The following HSPG2 variants were observed in gnomAD, a reference collection of about 807,000 sequenced individuals.
HSPG2 encodes the protein basement membrane-specific heparan sulfate proteoglycan core protein.
In HSPG2, 278 loss-of-function variants were observed where a neutral mutation model predicts 526.6. That is an observed-to-expected ratio of 0.53 (90% CI 0.48 to 0.58). HSPG2 has a LOEUF of 0.58. Ranked by LOEUF, HSPG2 falls within the 20% of genes least tolerant of loss-of-function variation. The pLI, the probability that HSPG2 is intolerant of heterozygous loss-of-function variation, is 0.00. For missense variants in HSPG2, 5,354 were observed against 6,099.5 expected, an observed-to-expected ratio of 0.88 and a Z score of 4.07; for synonymous variants, 2,465 against 2,555.4, an observed-to-expected ratio of 0.96 and a Z score of 1.07.
At chr1:21,846,852 T>C (rs556876051) in intron 62 of HSPG2, among the ~76,000 whole-genome samples, 3 of 152,056 alleles carry the variant, frequency 2.0e-5, no homozygotes, top group African/African-American at 7.2e-5. Flanking sequence ...ATACAAAAAT[T>C]AGCCGGGCAC....
chr1:21,886,455 G>A (rs939114818), intron 9 of HSPG2, among the ~76,000 whole-genome samples: 2 of 152,126 alleles, frequency 1.3e-5, no homozygotes, highest in African/African-American at 2.4e-5. Context: ...ACATGGACAC[G>A]CGCCCAGACA....
chr1:21,831,220 A>C lies in HSPG2; in HGVS notation c.11557T>G (p.Cys3853Gly). Residue 3853 changes from cysteine (C) to glycine (G), a missense_variant, in exon 84 of 97, where the codon TGC becomes GGC. Physicochemically the swap from Cys to Gly is radical, Grantham distance 159 (BLOSUM62 -3). Coordinates refer to ENST00000374695, the MANE Select transcript of HSPG2 (RefSeq NM_005529.7). ...TGTGTGGGGTGTGGGGTCACCTGGC[A>C]GGGCCGGTCCCGACAGGTGGGGCAG... ...SHCPTCRDRP[C>G]QNGGQCHDSE... 6.2e-7 allele frequency: 1 copy of C among 1,613,588 alleles called. No homozygotes were observed. The highest frequency in any genetic ancestry group is 8.5e-7 in the Non-Finnish European group (1 of 1,179,598).
Position 21,884,670 on chromosome 1 carries a change from G to A in HSPG2, c.1512C>T (p.Pro504=). Residue 504 remains proline, a synonymous_variant, in exon 13 of 97, where the codon CCC becomes CCT. Coordinates refer to ENST00000374695, the MANE Select transcript of HSPG2 (RefSeq NM_005529.7). ...GVLELVPQRG[P]CPDGHFYLEH... Reference sequence around the variant, plus strand: ...CCAGGTAGAAGTGGCCGTCAGGGCAGGGGCCTGCTGGGCGGCATGGGCGGG... The same window carrying A: ...CCAGGTAGAAGTGGCCGTCAGGGCAAGGGCCTGCTGGGCGGCATGGGCGGG... The A allele has an allele frequency of 6.2e-7, 1 of 1,611,386 alleles. No homozygotes were observed. Among genetic ancestry groups the A allele is most frequent in the Non-Finnish European group, 8.5e-7 (1 of 1,179,086 alleles).
intron 33 of HSPG2, among the ~76,000 whole-genome samples, chr1:21,870,577 C>T (rs1311054701): frequency 2.6e-5 from 4 of 152,324 alleles, no homozygotes; most frequent in Middle Eastern, 3.4e-3. Flanking sequence ...GGATTAGCAT[C>T]GGGTTAGTCT....
intron 64 of HSPG2, 51 bp from the exon 65 acceptor site, chr1:21,844,350 C>T: frequency 1.3e-6 from 2 of 1,571,136 alleles, no homozygotes; most frequent in East Asian, 2.3e-5. Context: ...CTGATGCCCT[C>T]AGCCCTTCCC....
chr1:21,828,693 G>T lies in HSPG2; in HGVS notation c.12237+142C>A. 8.1e-7 allele frequency: 1 copy of T among 1,232,582 alleles called. No individual in the cohort carries two copies. Among genetic ancestry groups the T allele is most frequent in the South Asian group, 1.3e-5 (1 of 76,484 alleles). The allele number at this position is 1,232,582 out of a possible 1,614,324, so 76.4% of individuals were successfully genotyped here. On this transcript the variant is annotated intron_variant, in intron 88 of 96. Coordinates refer to ENST00000374695, the MANE Select transcript of HSPG2 (RefSeq NM_005529.7). This position sits in a 1 kb window ranked among gnomAD's most constrained non-coding sequence, Gnocchi z 6.0. ...CCATTTTACAGAGGAGGAAACTGAG[G>T]CTCAGAGGTACAGTGTCCTGGCCCA...
At chr1:21,917,626 C>A (rs1485320683) in intron 1 of HSPG2, among the ~76,000 whole-genome samples, 2 of 152,160 alleles carry the variant, frequency 1.3e-5, no homozygotes, top group Non-Finnish European at 2.9e-5. Flanking sequence ...CTCCTAAGAA[C>A]TGGACGACAC....
chr1:21,880,387 C>T lies in HSPG2; in HGVS notation c.2171G>A (p.Arg724His), dbSNP rs764179002. 1.1e-5 allele frequency: 17 copies of T among 1,613,980 alleles called. No individual in the cohort carries two copies. Among genetic ancestry groups the T allele is most frequent in the Admixed American group, 3.3e-5 (2 of 60,010 alleles). ...CCTGCACTCCTCCACACTGTGGGCACGGCCATGGCTGGTGGCATGGGTGAC... is the reference window on the plus strand; with the variant it reads ...CCTGCACTCCTCCACACTGTGGGCATGGCCATGGCTGGTGGCATGGGTGAC... ...TTVTHATSHG[R>H]AHSVEECRCP... Residue 724 changes from arginine to histidine, a missense_variant, in exon 16 of 97, where the codon CGT (arginine) becomes CAT (histidine). Physicochemically the swap from Arg to His is conservative, Grantham distance 29. Coordinates refer to ENST00000374695, the MANE Select transcript of HSPG2 (RefSeq NM_005529.7).
rs2254357 is a variant in HSPG2 at position 21,890,111 on chromosome 1, C to G, written c.444G>C (p.Leu148=). 1,015,841 of 1,613,328 alleles carry G rather than the reference C, an allele frequency of 0.63. 328,387 individuals are homozygous for G. Among genetic ancestry groups the G allele is most frequent in the Middle Eastern group, 0.68 (4,085 of 6,040 alleles). ...KELDGWVFVE[L]DVGSEGNADG... ...CCGCATTCCCTTCCGAGCCCACATCCAGCTCCACAAAAACCCAGCCATCCA... is the reference window on the plus strand; with the variant it reads ...CCGCATTCCCTTCCGAGCCCACATCGAGCTCCACAAAAACCCAGCCATCCA... The change falls in exon 6 of 97, where the codon CTG becomes CTC. Residue 148 remains leucine (L), a synonymous_variant. Transcript: ENST00000374695. This position sits in a 1 kb window ranked among gnomAD's most constrained non-coding sequence, Gnocchi z 4.1.
rs1242918739 is a variant in HSPG2, at chr1:21,880,567, T to C, written c.1999-8A>G. On this transcript the variant is annotated splice_region_variant and splice_polypyrimidine_tract_variant and intron_variant, in intron 15 of 96. Coordinates refer to ENST00000374695, the MANE Select transcript of HSPG2 (RefSeq NM_005529.7). ...CTCATGGACCCAGTGCTCCTGGGTA[T>C]GGGTGAAGGTGGCAGGGGTCACACA... The C allele has an allele frequency of 6.2e-7, 1 of 1,612,734 alleles. No individual in the cohort carries two copies. Among genetic ancestry groups the C allele is most frequent in the Non-Finnish European group, 8.5e-7 (1 of 1,179,674 alleles).
chr1:21,876,750 C>G (rs1399362077), intron 21 of HSPG2, 98 bp from the exon 22 acceptor site: 1 of 1,528,154 alleles, frequency 6.5e-7, no homozygotes, highest in Non-Finnish European at 9.0e-7. Context: ...ACCCAAGACC[C>G]AGGGGAGCCA....
intron 3 of HSPG2, among the ~76,000 whole-genome samples, chr1:21,892,862 CAAAAAAAAA>C (rs564802827): frequency 2.9e-5 from 3 of 103,930 alleles, no homozygotes; most frequent in African/African-American, 1.2e-4. Context: ...GACTCCATCT[CAAAAAAAAA>C]AAAAAAAAAG....
chr1:21,895,103 C>G lies in HSPG2; in HGVS notation c.244+819G>C, dbSNP rs763084716. Among the ~76,000 whole-genome samples, 35 of 148,148 alleles carry G rather than the reference C, an allele frequency of 2.4e-4. No homozygotes were observed. Among genetic ancestry groups the G allele is most frequent in the Admixed American group, 6.1e-4 (9 of 14,734 alleles). On this transcript the variant is annotated intron_variant, in intron 3 of 96. Coordinates refer to ENST00000374695, the MANE Select transcript of HSPG2 (RefSeq NM_005529.7). This position sits in a 1 kb window ranked among gnomAD's most constrained non-coding sequence, Gnocchi z 4.1. ...CAGGCCAGATTTGGCCAAGGCCTGC[C>G]TAGGGTGAAGGCAGCCCTGGATGCC...
intron 3 of HSPG2, among the ~76,000 whole-genome samples, chr1:21,892,691 A>G (rs1023248195): frequency 6.6e-6 from 1 of 152,036 alleles, no homozygotes; most frequent in East Asian, 1.9e-4. Flanking sequence ...GCTGGCCAAC[A>G]TGGTGAAAAT....
Position 21,896,185 on chromosome 1 carries a change from G to A in HSPG2, c.189C>T (p.Ser63=). ...LSDDEDMLAD[S]ISGDDLGSGD... ...GGATCCTTGGCTCACCTCCTGAGAT[G>A]CTGTCAGCCAGCATGTCCTCATCAT... is the stretch of plus-strand genomic sequence containing the variant. Residue 63 remains serine, a synonymous_variant, in exon 2 of 97, where the codon AGC becomes AGT. Coordinates refer to ENST00000374695, the MANE Select transcript of HSPG2 (RefSeq NM_005529.7). The A allele has an allele frequency of 6.2e-7, 1 of 1,613,716 alleles. No homozygotes were observed. The highest frequency in any genetic ancestry group is 8.5e-7 in the Non-Finnish European group (1 of 1,179,990).
At chr1:21,926,661 G>A (rs1644199603) in intron 1 of HSPG2, among the ~76,000 whole-genome samples, 1 of 147,524 alleles carries the variant, frequency 6.8e-6, no homozygotes, top group Admixed American at 6.8e-5. Context: ...CAGGGAGGCT[G>A]AGGCAAAAGA....
At chr1:21,903,027 C>G (rs965630387) in intron 1 of HSPG2, among the ~76,000 whole-genome samples, 2 of 152,308 alleles carry the variant, frequency 1.3e-5, no homozygotes, top group South Asian at 2.1e-4. Flanking sequence ...TGCGGACTCA[C>G]GGACAAACCA....
chr1:21,854,322 G>A lies in HSPG2; in HGVS notation c.6310C>T (p.Leu2104Phe). Reference sequence around the variant, plus strand: ...GAATCAGCTGGTGAGACCTGGGGGAGCCGCAGACGGGAGCCGTGCACCTGG... The same window carrying A: ...GAATCAGCTGGTGAGACCTGGGGGAACCGCAGACGGGAGCCGTGCACCTGG... ...HTQVHGSRLR[L>F]PQVSPADSGE... Residue 2104 changes from leucine to phenylalanine, a missense_variant, in exon 50 of 97, where the codon CTC becomes TTC. By Grantham distance (22) the Leu-to-Phe change is conservative. Coordinates refer to ENST00000374695, the MANE Select transcript of HSPG2 (RefSeq NM_005529.7). 6.4e-7 allele frequency: 1 copy of A among 1,571,758 alleles called. No individual in the cohort carries two copies. Among genetic ancestry groups the A allele is most frequent in the Non-Finnish European group, 8.6e-7 (1 of 1,158,178 alleles).
In HSPG2 at chr1:21,852,552, C is replaced by CT. The variant is rs1638984922; in HGVS notation, c.6724+147dup. 4 of 1,130,604 alleles carry CT rather than the reference C, an allele frequency of 3.5e-6. No homozygotes were observed. The Admixed American group carries it at 7.3e-5, about 21-fold the overall frequency. 70.0% of individuals were successfully genotyped at this position (1,130,604 alleles called of 1,614,324 possible). ...GTGTGACGGGAAGGCGGTGGTTACT[C>CT]TGACAGGTGGAGTCGGCCTGGGCAG... On this transcript the variant is annotated intron_variant, in intron 52 of 96. Transcript: ENST00000374695.
Sources: gnomAD v4.1 joint callset for allele counts (sites outside exome capture counted in the v4.1 genomes callset) on GRCh38, gnomAD v4.1.1 for gene constraint, Gnocchi (gnomAD v3.1) non-coding constraint, MANE v1.5 for transcripts, NCBI Gene and HGNC (gene_info 2026-07-23, HGNC 2026-07-21) for gene names.